The following STAG2 variants were observed in gnomAD, a reference collection of about 807,000 sequenced individuals.
STAG2 encodes cohesin subunit SA-2.
In STAG2, 14 loss-of-function variants were observed where a neutral mutation model predicts 108.1. The observed-to-expected ratio is 0.13, with a 90% confidence interval of 0.09 to 0.20. STAG2 has a LOEUF of 0.20. Ranked by LOEUF, STAG2 falls within the 10% of genes least tolerant of loss-of-function variation. The pLI is 1.00. For missense variants in STAG2, 440 were observed against 940.9 expected, an observed-to-expected ratio of 0.47 and a Z score of 6.96; for synonymous variants, 307 against 302.7, an observed-to-expected ratio of 1.01 and a Z score of -0.15.
chrX:124,080,495 C>T (rs1454127410), intron 27 of STAG2, among the ~76,000 whole-genome samples: 2 of 110,883 alleles, frequency 1.8e-5, no homozygotes, highest in East Asian at 2.8e-4. Context: ...CGAAAGCAGC[C>T]TGGCCAATAT....
intron 3 of STAG2, among the ~76,000 whole-genome samples, chrX:124,024,575 C>T (rs926500382): frequency 5.4e-5 from 6 of 110,999 alleles, no homozygotes; most frequent in African/African-American, 2.0e-4. Context: ...CACCACCTTC[C>T]ATACATTGTT....
chrX:124,066,516 C>A (rs1436061144), intron 23 of STAG2, 80 bp downstream of exon 23: 23 of 669,445 alleles, frequency 3.4e-5, no homozygotes, highest in Non-Finnish European at 4.9e-5. Flanking sequence ...TTAATGAGAT[C>A]AGTTATTTCA....
chrX:123,987,124 C>T (rs2055227890), intron 1 of STAG2, among the ~76,000 whole-genome samples: 2 of 110,585 alleles, frequency 1.8e-5, no homozygotes, highest in African/African-American at 6.6e-5. Context: ...TCCTGAGTAG[C>T]TGGGATTACA....
intron 1 of STAG2, among the ~76,000 whole-genome samples, chrX:123,974,320 C>T (rs1488444046): frequency 9.3e-6 from 1 of 107,427 alleles, no homozygotes; most frequent in African/African-American, 3.4e-5. Context: ...GAAACCTCCA[C>T]CTCCTGAGTT....
intron 1 of STAG2, among the ~76,000 whole-genome samples, chrX:124,015,047 C>G (rs755399341): frequency 1.3e-5 from 1 of 79,104 alleles, no homozygotes; most frequent in Admixed American, 1.9e-4. Context: ...AGTGCAGTGG[C>G]TTGATCTTGG....
intron 34 of STAG2, among the ~76,000 whole-genome samples, chrX:124,097,179 C>CG (rs2059403592): frequency 2.6e-5 from 1 of 38,206 alleles, no homozygotes; most frequent in East Asian, 9.5e-4. Flanking sequence ...GACCCTGTCT[C>CG]AAAAAAAAAA....
chrX:124,081,642 T>A, intron 28 of STAG2, 114 bp downstream of exon 28: 1 of 582,313 alleles, frequency 1.7e-6, no homozygotes, highest in Non-Finnish European at 2.6e-6. Context: ...TATTATTAGC[T>A]TATAAATCTC....
At chrX:124,041,562 T>C (rs913873790) in intron 6 of STAG2, among the ~76,000 whole-genome samples, 5 of 111,405 alleles carry the variant, frequency 4.5e-5, no homozygotes, top group African/African-American at 1.6e-4. Flanking sequence ...GATATTACTA[T>C]ATTTATGGTA....
At chrX:124,052,382 T>G (rs1256634381) in intron 13 of STAG2, among the ~76,000 whole-genome samples, 2 of 112,040 alleles carry the variant, frequency 1.8e-5, no homozygotes, top group Non-Finnish European at 3.8e-5. Flanking sequence ...ATTTTCTATC[T>G]CTATGAACTT....
chrX:124,048,097 T>C (rs185274142), intron 9 of STAG2, among the ~76,000 whole-genome samples: 1 of 112,234 alleles, frequency 8.9e-6, no homozygotes, highest in Non-Finnish European at 1.9e-5. Flanking sequence ...TGTTTTCATA[T>C]CAAATAGGCA....
At chrX:124,007,441 TTA>T (rs2056345131) in intron 1 of STAG2, among the ~76,000 whole-genome samples, 1 of 106,969 alleles carries the variant, frequency 9.3e-6, no homozygotes, top group Admixed American at 9.9e-5. Context: ...ATGTACATGA[TTA>T]GGTTTTTTTT....
chrX:124,090,732 G>A lies in STAG2; in HGVS notation c.3435G>A (p.Gln1145=), dbSNP rs760026935. ...GCTTCATGAGTGTTTATCCAATGCA[G>A]ACTGAACATCATCAAACACCTCTTG... is the stretch of plus-strand genomic sequence containing the variant. ...EDSFMSVYPM[Q]TEHHQTPLDY... Residue 1145 remains glutamine (Q), a synonymous_variant, in exon 31 of 35, where the codon CAG becomes CAA. Transcript: ENST00000371145. 4.1e-6 allele frequency: 5 copies of A among 1,211,364 alleles called. No individual in the cohort carries two copies. In the South Asian group the frequency reaches 5.3e-5, roughly 13 times the overall value.
rs775781299 is a variant in STAG2 at position 124,064,058 on chromosome X, A to G, written c.2025+7A>G. ...TGAAGATTTTCTGCAAGAGGTATAT[A>G]TTATAACTATTACAAGTATTTTGTC... On this transcript the variant is annotated splice_region_variant and intron_variant, in intron 20 of 34. Coordinates refer to ENST00000371145, the MANE Select transcript of STAG2 (RefSeq NM_001042750.2). 16 of 1,162,909 alleles carry G rather than the reference A, an allele frequency of 1.4e-5. No homozygotes were observed. The South Asian group carries it at 2.4e-4, about 18-fold the overall frequency.
intron 30 of STAG2, among the ~76,000 whole-genome samples, chrX:124,090,188 G>GAAAATT (rs2059222727): frequency 2.0e-4 from 14 of 69,585 alleles, no homozygotes; most frequent in East Asian, 6.3e-4. Flanking sequence ...AAAAAAAAAG[G>GAAAATT]TTTAGTCCTT....
chrX:124,064,021 T>G lies in STAG2; in HGVS notation c.1995T>G (p.Phe665Leu). 8.3e-7 allele frequency: 1 copy of G among 1,209,698 alleles called. No homozygotes were observed. The highest frequency in any genetic ancestry group is 1.1e-6 in the Non-Finnish European group (1 of 894,053). Residue 665 changes from phenylalanine (F) to leucine (L), a missense_variant, in exon 20 of 35, where the codon TTT (phenylalanine) becomes TTG (leucine). Phe to Leu is a conservative substitution (Grantham distance 22). Transcript: ENST00000371145. ...TGATAGATGAATTGGCAGATAAATT[T>G]AACCGGCTTCTTGAAGATTTTCTGC... ...SQLIDELADK[F>L]NRLLEDFLQE...
chrX:124,028,904 C>T (rs2057214807), intron 4 of STAG2, among the ~76,000 whole-genome samples: 1 of 102,065 alleles, frequency 9.8e-6, no homozygotes, highest in Non-Finnish European at 2.0e-5. Context: ...CTTCCCATCT[C>T]AACCTCCGAA....
intron 29 of STAG2, among the ~76,000 whole-genome samples, chrX:124,084,258 T>C (rs763070530): frequency 9.0e-6 from 1 of 111,566 alleles, no homozygotes; most frequent in East Asian, 2.8e-4. Context: ...AACTAATGTA[T>C]GGTGATAAAA....
chrX:123,984,095 C>T (rs1434580545), intron 1 of STAG2, among the ~76,000 whole-genome samples: 2 of 104,385 alleles, frequency 1.9e-5, no homozygotes, highest in African/African-American at 3.6e-5. Context: ...TCGCCTGCCT[C>T]AGCCTTCCTG....
In STAG2 at chrX:124,051,630, C is replaced by G. The variant is rs375414296; in HGVS notation, c.1196+236C>G. On this transcript the variant is annotated intron_variant, in intron 13 of 34. Coordinates refer to ENST00000371145, the MANE Select transcript of STAG2 (RefSeq NM_001042750.2). ...TTCTGAGACGGAGTCTCACTCTGTCCCCCAGGCTGGAGTGCAGTGGTACGA... is the reference window on the plus strand; with the variant it reads ...TTCTGAGACGGAGTCTCACTCTGTCGCCCAGGCTGGAGTGCAGTGGTACGA... Among the ~76,000 whole-genome samples, 6 of 109,023 alleles carry G rather than the reference C, an allele frequency of 5.5e-5. No homozygotes were observed. In the South Asian group the frequency reaches 1.2e-3, roughly 22 times the overall value. The allele number at this position is 109,023 out of a possible 115,157, so 94.7% of individuals were successfully genotyped here.
Sources: gnomAD v4.1 joint callset for allele counts (sites outside exome capture counted in the v4.1 genomes callset) on GRCh38, gnomAD v4.1.1 for gene constraint, MANE v1.5 for transcripts, NCBI Gene and HGNC (gene_info 2026-07-23, HGNC 2026-07-21) for gene names.